Variants in TAFA5 observed in about 807,000 individuals in gnomAD.
TAFA5 encodes the protein TAFA chemokine like family member 5, also known as chemokine-like protein TAFA-5.
TAFA5 carries 6 observed loss-of-function variants against 15.3 expected under a neutral mutation model. That is an observed-to-expected ratio of 0.39 (90% CI 0.21 to 0.77). The LOEUF is 0.77. Among genes scored for constraint, TAFA5 ranks in the 30% least tolerant of loss-of-function variants. The probability of loss-of-function intolerance (pLI) is 0.41; values close to 1 mark genes in which losing one functional copy is unlikely to be tolerated. For missense variants in TAFA5, 161 were observed against 193.1 expected (o/e 0.83, Z 0.98); for synonymous variants, 103 against 80.7 (o/e 1.28, Z -1.48).
chr22:48,740,732 G>A (rs1930156154), intron 3 of TAFA5, among the ~76,000 whole-genome samples: 1 of 152,164 alleles, frequency 6.6e-6, no homozygotes, highest in African/African-American at 2.4e-5. Context: ...CCTGGTGTTG[G>A]GGGCAGTTCA....
chr22:48,556,325 CT>C (rs1923037475), intron 1 of TAFA5, among the ~76,000 whole-genome samples: 1 of 152,062 alleles, frequency 6.6e-6, no homozygotes, highest in Non-Finnish European at 1.5e-5. Context: ...CTCCGGGGAC[CT>C]AGTGAGGTTG....
intron 2 of TAFA5, among the ~76,000 whole-genome samples, chr22:48,707,507 C>T (rs567336579): frequency 1.3e-5 from 2 of 152,260 alleles, no homozygotes; most frequent in South Asian, 4.2e-4. Flanking sequence ...GATGGCAGAG[C>T]GGGACTTGGG....
intron 1 of TAFA5, among the ~76,000 whole-genome samples, chr22:48,576,123 GGCGGCGGGGCTGATTCATGGGGCC>G (rs1252527148): frequency 2.8e-5 from 4 of 143,178 alleles, no homozygotes; most frequent in African/African-American, 1.0e-4. Flanking sequence ...CTCCGGGGGC[GGCGGCGGGGCTGATTCATGGGGCC>G]GCGGCGGCCG....
In TAFA5 at chr22:48,597,417, G is replaced by T. The variant is rs149403327; in HGVS notation, c.113-49180G>T. Among the ~76,000 whole-genome samples the T allele has an allele frequency of 6.8e-3, 1,024 of 151,258 alleles. 14 individuals carry two copies. Among genetic ancestry groups the T allele is most frequent in the African/African-American group, 0.024 (967 of 41,078 alleles). On this transcript the variant is annotated intron_variant, in intron 1 of 3. Coordinates refer to ENST00000402357, the MANE Select transcript of TAFA5 (RefSeq NM_001082967.3). ...TCAGTTTCCCTGCTGTTCCCCTCTG[G>T]CTGGCTCACATGCAGAGTGTCCTGG...
rs1432574035 is a variant in TAFA5 at position 48,560,079 on chromosome 22, C to G, written c.112+70375C>G. Among the ~76,000 whole-genome samples, 1 of 152,210 alleles carries G rather than the reference C, an allele frequency of 6.6e-6. No homozygotes were observed. The highest frequency in any genetic ancestry group is 2.4e-5 in the African/African-American group (1 of 41,450). On this transcript the variant is annotated intron_variant, in intron 1 of 3. Coordinates refer to ENST00000402357, the MANE Select transcript of TAFA5 (RefSeq NM_001082967.3). This position sits in a 1 kb window ranked among gnomAD's most constrained non-coding sequence, Gnocchi z 4.2. ...TCCATCAGGCAGCTGCCCTGGCCAC[C>G]GATGCCTTCGCAGCATAGGATTTGG... is the stretch of plus-strand genomic sequence containing the variant.
chr22:48,644,084 A>G (rs1926779377), intron 1 of TAFA5, among the ~76,000 whole-genome samples: 1 of 152,188 alleles, frequency 6.6e-6, no homozygotes, highest in South Asian at 2.1e-4. Flanking sequence ...ATCCTCCCGG[A>G]TGCTCTTTCC....
chr22:48,617,972 GTT>G (rs1925672120), intron 1 of TAFA5, among the ~76,000 whole-genome samples: 1 of 152,218 alleles, frequency 6.6e-6, no homozygotes, highest in Non-Finnish European at 1.5e-5. Flanking sequence ...CATGGGCGCG[GTT>G]TTTATGGCCA....
chr22:48,648,971 G>A (rs1215197303), intron 2 of TAFA5, among the ~76,000 whole-genome samples: 2 of 152,228 alleles, frequency 1.3e-5, no homozygotes, highest in Non-Finnish European at 1.5e-5. Flanking sequence ...GAGGGCTGAC[G>A]GAATCACTGA....
chr22:48,555,124 C>T (rs761054643), intron 1 of TAFA5, among the ~76,000 whole-genome samples: 5 of 152,234 alleles, frequency 3.3e-5, no homozygotes, highest in Non-Finnish European at 7.3e-5. Flanking sequence ...CCCCACCCAC[C>T]ACTGTCTCTT....
intron 1 of TAFA5, among the ~76,000 whole-genome samples, chr22:48,557,374 C>T (rs556359217): frequency 8.1e-4 from 123 of 152,208 alleles, no homozygotes; most frequent in African/African-American, 1.3e-3. Context: ...AGGGCGGCGC[C>T]GGGAGGAAGC....
chr22:48,684,776 G>A (rs1304066012), intron 2 of TAFA5, among the ~76,000 whole-genome samples: 1 of 152,146 alleles, frequency 6.6e-6, no homozygotes, highest in Non-Finnish European at 1.5e-5. Context: ...AAATACAAAG[G>A]TTTCCATGTT....
At chr22:48,741,140 G>T (rs73889717) in intron 3 of TAFA5, among the ~76,000 whole-genome samples, 2,183 of 152,286 alleles carry the variant, frequency 0.014, 56 homozygotes, top group African/African-American at 0.049. Context: ...TGGAGAAAAT[G>T]AGGCTCTGGG....
intron 1 of TAFA5, among the ~76,000 whole-genome samples, chr22:48,554,266 AT>A (rs1298177199): frequency 6.6e-6 from 1 of 152,144 alleles, no homozygotes; most frequent in Non-Finnish European, 1.5e-5. Flanking sequence ...TTAGGCCGTC[AT>A]TTTTTTTCCA....
At chr22:48,524,244 G>A (rs983174897) in intron 1 of TAFA5, among the ~76,000 whole-genome samples, 15 of 152,322 alleles carry the variant, frequency 9.8e-5, no homozygotes, top group Admixed American at 5.9e-4. Context: ...AAAAGCCTGC[G>A]TGGCTTTGAC....
At chr22:48,627,433 G>T (rs1926063841) in intron 1 of TAFA5, among the ~76,000 whole-genome samples, 1 of 152,276 alleles carries the variant, frequency 6.6e-6, no homozygotes, top group African/African-American at 2.4e-5. Context: ...CCGCGTGCAG[G>T]CTGGGCCAGT....
intron 1 of TAFA5, among the ~76,000 whole-genome samples, chr22:48,587,406 C>T (rs1294235184): frequency 2.0e-5 from 3 of 152,140 alleles, no homozygotes; most frequent in Non-Finnish European, 2.9e-5. Context: ...GCTGCCCTTG[C>T]GTGGAACAGG....
chr22:48,714,286 C>A (rs896902646), intron 3 of TAFA5, among the ~76,000 whole-genome samples: 1 of 152,224 alleles, frequency 6.6e-6, no homozygotes, highest in African/African-American at 2.4e-5. Flanking sequence ...GCTTTGAGTG[C>A]AAACTCAGCA....
At chr22:48,632,112 A>G (rs1397036313) in intron 1 of TAFA5, among the ~76,000 whole-genome samples, 1 of 152,168 alleles carries the variant, frequency 6.6e-6, no homozygotes, top group African/African-American at 2.4e-5. Context: ...GTCATCTCCT[A>G]CCTGGGAGTT....
At chr22:48,671,574 T>C (rs913061592) in intron 2 of TAFA5, among the ~76,000 whole-genome samples, 3 of 152,190 alleles carry the variant, frequency 2.0e-5, no homozygotes, top group African/African-American at 7.2e-5. Context: ...ACTGTTGGGA[T>C]GGAACAGTGT....
Sources: gnomAD v4.1 joint callset for allele counts (sites outside exome capture counted in the v4.1 genomes callset) on GRCh38, gnomAD v4.1.1 for gene constraint, Gnocchi (gnomAD v3.1) non-coding constraint, MANE v1.5 for transcripts, NCBI Gene and HGNC (gene_info 2026-07-23, HGNC 2026-07-21) for gene names.